RABGAP1: variants seen among roughly 807,000 people sequenced by gnomAD.
RABGAP1 encodes rab GTPase-activating protein 1.
RABGAP1 carries 23 observed loss-of-function variants against 137.6 expected under a neutral mutation model. The observed-to-expected ratio is 0.17, with a 90% CI of 0.12 to 0.24. The LOEUF (loss-of-function observed/expected upper bound fraction) is 0.24, where lower values mean the gene tolerates loss of function less well. RABGAP1 is among the 10% of genes least tolerant of loss of function. The pLI, the probability that RABGAP1 is intolerant of heterozygous loss-of-function variation, is 1.00. For missense variants in RABGAP1, 906 were observed against 1,275.8 expected, an observed-to-expected ratio of 0.71 and a Z score of 4.42; for synonymous variants, 451 against 450.7, an observed-to-expected ratio of 1.00 and a Z score of -0.01.
chr9:122,945,937 T>C (rs1357917693), intron 1 of RABGAP1: 2 of 152,216 alleles, frequency 1.3e-5, no homozygotes, highest in African/African-American at 4.8e-5. Context: ...GATGATCTTT[T>C]ATCAGTTAAG....
chr9:122,938,613 C>T (rs1244848208), upstream of RABGAP1: 1 of 151,942 alleles, frequency 6.6e-6, no homozygotes, highest in Non-Finnish European at 1.5e-5. Flanking sequence ...ATCACTAATC[C>T]AGTGGTCAAT....
At chr9:122,992,775 T>TATATAA (rs1836806934) in intron 6 of RABGAP1, among the ~76,000 whole-genome samples, 2 of 148,678 alleles carry the variant, frequency 1.3e-5, no homozygotes, top group Non-Finnish European at 1.5e-5. Context: ...TAAAACCTAT[T>TATATAA]ATATACTTAC....
intron 13 of RABGAP1, among the ~76,000 whole-genome samples, chr9:123,023,184 AT>A (rs890835832): frequency 6.6e-6 from 1 of 151,646 alleles, no homozygotes; most frequent in Non-Finnish European, 1.5e-5. Flanking sequence ...TTGTTCTTGA[AT>A]TTTTTCTGTT....
chr9:123,057,826 G>A (rs2033797438), intron 13 of RABGAP1, among the ~76,000 whole-genome samples: 1 of 152,216 alleles, frequency 6.6e-6, no homozygotes, highest in African/African-American at 2.4e-5. Context: ...TGAGGGTGGC[G>A]GATCACTCGC....
rs1380832805 is a variant in RABGAP1, at chr9:123,020,259, G to C, written c.1644-50G>C. ...ACTTTGATAAAAGTAACATTCTTTAGAGAATCTTATCTTCCTTTTATGATT... is the reference window on the plus strand; with the variant it reads ...ACTTTGATAAAAGTAACATTCTTTACAGAATCTTATCTTCCTTTTATGATT... On this transcript the variant is annotated intron_variant, in intron 12 of 25. Coordinates refer to ENST00000373647, the MANE Select transcript of RABGAP1 (RefSeq NM_012197.4). 3 of 1,352,580 alleles carry C rather than the reference G, an allele frequency of 2.2e-6. No homozygotes were observed. The Admixed American group carries it at 7.7e-5, about 35-fold the overall frequency. 83.8% of individuals were successfully genotyped at this position (1,352,580 alleles called of 1,614,324 possible). A position where few individuals can be genotyped will look rare whatever the true frequency, so the allele number is the denominator to read the frequency against.
At chr9:123,076,961 A>C (rs1210911610) in intron 19 of RABGAP1, 199 bp downstream of exon 19, 3 of 243,184 alleles carry the variant, frequency 1.2e-5, no homozygotes, top group Non-Finnish European at 2.0e-5. Flanking sequence ...TTTTCCCCAA[A>C]ATACTTTCCT....
chr9:122,973,417 TA>T (rs1198450280), intron 2 of RABGAP1, among the ~76,000 whole-genome samples: 1 of 152,158 alleles, frequency 6.6e-6, no homozygotes, highest in East Asian at 1.9e-4. Flanking sequence ...TTTGTATTTT[TA>T]GTAGAGATGG....
chr9:123,026,388 T>G (rs2031971718), intron 13 of RABGAP1, among the ~76,000 whole-genome samples: 2 of 152,202 alleles, frequency 1.3e-5, no homozygotes, highest in Non-Finnish European at 2.9e-5. Context: ...TTATTAGGAA[T>G]GTTACTGAAT....
intron 14 of RABGAP1, among the ~76,000 whole-genome samples, chr9:123,068,015 G>A (rs1166279720): frequency 6.6e-6 from 1 of 152,066 alleles, no homozygotes; most frequent in African/African-American, 2.4e-5. Flanking sequence ...TTAATACTAG[G>A]CTTATTCTCT....
At chr9:122,991,099 G>A (rs1836701428) in intron 6 of RABGAP1, among the ~76,000 whole-genome samples, 1 of 151,556 alleles carries the variant, frequency 6.6e-6, no homozygotes, top group Non-Finnish European at 1.5e-5. Context: ...AAAGAACCAT[G>A]GAATAGAAGT....
intron 13 of RABGAP1, among the ~76,000 whole-genome samples, chr9:123,050,090 A>G (rs1272948765): frequency 2.0e-5 from 3 of 152,212 alleles, no homozygotes; most frequent in African/African-American, 7.2e-5. Flanking sequence ...TTCTTTGTCA[A>G]AAGTCCAACT....
intron 13 of RABGAP1, among the ~76,000 whole-genome samples, chr9:123,064,325 C>T (rs1022354759): frequency 2.0e-5 from 3 of 152,110 alleles, no homozygotes; most frequent in Admixed American, 1.3e-4. Flanking sequence ...AGCAATTTGG[C>T]GACATCCTTG....
intron 21 of RABGAP1, among the ~76,000 whole-genome samples, chr9:123,096,335 T>C (rs1378527095): frequency 6.7e-6 from 1 of 148,802 alleles, no homozygotes; most frequent in Non-Finnish European, 1.5e-5. Context: ...AGTAAACAGA[T>C]GGAAAAAGAT....
intron 13 of RABGAP1, among the ~76,000 whole-genome samples, chr9:123,039,836 A>G (rs993356311): frequency 1.3e-5 from 2 of 152,096 alleles, no homozygotes; most frequent in Admixed American, 6.6e-5. Flanking sequence ...GAAACTTCCT[A>G]TGTGGTTTTG....
At chr9:123,058,727 A>T (rs1401670410) in intron 13 of RABGAP1, among the ~76,000 whole-genome samples, 2 of 152,266 alleles carry the variant, frequency 1.3e-5, no homozygotes, top group African/African-American at 2.4e-5. Flanking sequence ...CAATGCCCAA[A>T]TTGTGCCATG....
intron 2 of RABGAP1, among the ~76,000 whole-genome samples, chr9:122,979,325 T>C (rs1424979754): frequency 1.3e-5 from 2 of 152,352 alleles, no homozygotes; most frequent in East Asian, 1.9e-4. Flanking sequence ...ATGCCCTTTT[T>C]AGTTGGGTAG....
rs74578459 is a variant in RABGAP1, at chr9:123,020,148, A to G, written c.1644-161A>G. ...TTCTTCCACCCAATCTCTCTTAGTT[A>G]TCTTGGCCTCATCTAATTCAGAAGC... On this transcript the variant is annotated intron_variant, in intron 12 of 25. Transcript: ENST00000373647. Among the ~76,000 whole-genome samples, 45 of 151,254 alleles carry G rather than the reference A, an allele frequency of 3.0e-4. 1 individual carries two copies. In the East Asian group the frequency reaches 8.1e-3, roughly 27 times the overall value.
At chr9:123,037,366 C>T (rs2032719194) in intron 13 of RABGAP1, among the ~76,000 whole-genome samples, 1 of 152,058 alleles carries the variant, frequency 6.6e-6, no homozygotes, top group African/African-American at 2.4e-5. Context: ...TGGGTTTTTC[C>T]CAAAACCTTG....
intron 2 of RABGAP1, among the ~76,000 whole-genome samples, chr9:122,981,832 T>C (rs1320915565): frequency 6.6e-6 from 1 of 152,166 alleles, no homozygotes; most frequent in East Asian, 1.9e-4. Context: ...GTGGATCACT[T>C]GAGGTCAGGA....
Sources: allele counts gnomAD v4.1 joint callset (sites outside exome capture counted in the v4.1 genomes callset), GRCh38; gene constraint gnomAD v4.1.1; transcripts MANE v1.5; gene names NCBI Gene and HGNC (gene_info 2026-07-23, HGNC 2026-07-21).